The following PAX7 variants were observed in gnomAD, a reference collection of about 807,000 sequenced individuals.
PAX7 encodes paired box 7, also known as paired box protein Pax-7.
A neutral mutation model predicts 50.7 loss-of-function variants in PAX7; 18 were observed. The observed-to-expected ratio is 0.36, with a 90% CI of 0.25 to 0.53. The LOEUF is 0.53. PAX7 is among the 20% of genes least tolerant of loss of function. The pLI, the probability that PAX7 is intolerant of heterozygous loss-of-function variation, is 0.93. For synonymous variants in PAX7, 310 were observed against 290.4 expected (o/e 1.07, Z -0.69); for missense variants, 644 against 702.9 (o/e 0.92, Z 0.95).
intron 2 of PAX7, 71 bp from the exon 3 acceptor site, chr1:18,635,040 G>T: frequency 1.3e-6 from 2 of 1,569,566 alleles, no homozygotes; most frequent in Non-Finnish European, 1.7e-6. Context: ...CTCTTAAGAG[G>T]TGATATTAAA....
intron 1 of PAX7, among the ~76,000 whole-genome samples, chr1:18,633,749 A>G (rs1280054116): frequency 6.6e-6 from 1 of 152,150 alleles, no homozygotes; most frequent in Non-Finnish European, 1.5e-5. Flanking sequence ...CAGAGCTGTA[A>G]ATGTAGTAAT....
chr1:18,708,527 C>T (rs185054926), intron 7 of PAX7, among the ~76,000 whole-genome samples: 6 of 152,054 alleles, frequency 3.9e-5, no homozygotes, highest in African/African-American at 4.8e-5. Context: ...TGTGCGCCAG[C>T]CTAGGCGACA....
chr1:18,693,506 C>G (rs1446284518), intron 5 of PAX7, among the ~76,000 whole-genome samples: 2 of 152,172 alleles, frequency 1.3e-5, no homozygotes, highest in Non-Finnish European at 2.9e-5. Context: ...GAGTCACAAG[C>G]TGAAATTTGA....
intron 7 of PAX7, among the ~76,000 whole-genome samples, chr1:18,731,570 C>A (rs2089647655): frequency 6.6e-6 from 1 of 151,986 alleles, no homozygotes; most frequent in African/African-American, 2.4e-5. Context: ...ATGACTCAGG[C>A]CTTGTGGTCT....
At chr1:18,676,610 G>A (rs1268076945) in intron 4 of PAX7, among the ~76,000 whole-genome samples, 1 of 152,114 alleles carries the variant, frequency 6.6e-6, no homozygotes, top group Admixed American at 6.5e-5. Flanking sequence ...GGGAGGCAGG[G>A]CAGGCCCCAG....
intron 6 of PAX7, among the ~76,000 whole-genome samples, chr1:18,702,175 T>C (rs1462033626): frequency 2.1e-5 from 2 of 94,298 alleles, no homozygotes; most frequent in Non-Finnish European, 3.8e-5. Flanking sequence ...CTACTAAAAA[T>C]ACAAAAAAAA....
At chr1:18,695,393 T>C (rs927632052) in intron 5 of PAX7, among the ~76,000 whole-genome samples, 1 of 152,140 alleles carries the variant, frequency 6.6e-6, no homozygotes, top group Non-Finnish European at 1.5e-5. Flanking sequence ...GTTCTAGGCA[T>C]TGGGGATTCA....
At chr1:18,644,818 A>G (rs917330864) in intron 4 of PAX7, among the ~76,000 whole-genome samples, 1 of 152,190 alleles carries the variant, frequency 6.6e-6, no homozygotes, top group Non-Finnish European at 1.5e-5. Flanking sequence ...AAGCACGTGT[A>G]CTATGCTCCC....
At chr1:18,723,874 G>A (rs905899520) in intron 7 of PAX7, among the ~76,000 whole-genome samples, 2 of 152,184 alleles carry the variant, frequency 1.3e-5, no homozygotes, top group Non-Finnish European at 2.9e-5. Flanking sequence ...AGAGCATTCC[G>A]GTCCCCAGCT....
At chr1:18,647,523 G>A (rs1298999916) in intron 4 of PAX7, among the ~76,000 whole-genome samples, 1 of 152,122 alleles carries the variant, frequency 6.6e-6, no homozygotes, top group East Asian at 1.9e-4. Context: ...GCAGGAGATT[G>A]AAGGAGAAAG....
chr1:18,641,888 G>A (rs1428338177), intron 4 of PAX7, among the ~76,000 whole-genome samples: 1 of 152,030 alleles, frequency 6.6e-6, no homozygotes, highest in Non-Finnish European at 1.5e-5. Flanking sequence ...ATGTTGGGAA[G>A]AGATAACGCA....
Position 18,632,789 on chromosome 1 carries a change from G to C in PAX7, c.85+1101G>C, listed in dbSNP as rs977383147. Among the ~76,000 whole-genome samples the C allele has an allele frequency of 1.3e-5, 2 of 152,184 alleles. No individual in the cohort carries two copies. The highest frequency in any genetic ancestry group is 2.9e-5 in the Non-Finnish European group (2 of 68,036). ...GGCAGCGAGACGGCGCCGGGTCCCTGAATTAGACAGAGGCGAAGAGAGCGG... is the reference window on the plus strand; with the variant it reads ...GGCAGCGAGACGGCGCCGGGTCCCTCAATTAGACAGAGGCGAAGAGAGCGG... On this transcript the variant is annotated intron_variant, in intron 1 of 8. Transcript: ENST00000420770. The surrounding 1 kb of genome is among the most constrained non-coding windows in gnomAD (Gnocchi z 6.3).
intron 4 of PAX7, among the ~76,000 whole-genome samples, chr1:18,664,881 G>C (rs1284421697): frequency 6.6e-6 from 1 of 152,150 alleles, no homozygotes; most frequent in Non-Finnish European, 1.5e-5. Flanking sequence ...CCCTTTCCAG[G>C]GAGCGTGCTT....
At position 18,635,495 on chromosome 1, in the gene PAX7, A is replaced by AAGGAAGGAAGGT. The variant is rs1194531703; in HGVS notation, c.451+266_451+267insTAGGAAGGAAGG. Among the ~76,000 whole-genome samples the AAGGAAGGAAGGT allele has an allele frequency of 4.9e-4, 56 of 115,016 alleles. No homozygotes were observed. In the South Asian group the frequency reaches 0.012, roughly 26 times the overall value. The allele number at this position is 115,016 out of a possible 152,430, so 75.5% of individuals were successfully genotyped here. On this transcript the variant is annotated intron_variant, in intron 3 of 8. Transcript: ENST00000420770. Reference sequence around the variant, plus strand: ...AGAGAGAAATAAGAAAGGGAGGAAGAAGGAAGGAAGGAAGGTAGGAAGGAA... The same window carrying AAGGAAGGAAGGT: ...AGAGAGAAATAAGAAAGGGAGGAAGAAGGAAGGAAGGTAGGAAGGAAGGAAGGTAGGAAGGAA...
intron 8 of PAX7, among the ~76,000 whole-genome samples, chr1:18,736,708 A>G (rs976769984): frequency 1.3e-5 from 2 of 152,244 alleles, no homozygotes; most frequent in African/African-American, 2.4e-5. Flanking sequence ...TTTAAATTTC[A>G]TATAGTTTGC....
At chr1:18,675,038 G>A (rs1489131371) in intron 4 of PAX7, among the ~76,000 whole-genome samples, 1 of 152,148 alleles carries the variant, frequency 6.6e-6, no homozygotes, top group Admixed American at 6.6e-5. Flanking sequence ...CATTGGCTTC[G>A]GTGTCTGCCC....
chr1:18,635,276 A>G (rs2088131720), intron 3 of PAX7, 36 bp downstream of exon 3: 2 of 1,610,540 alleles, frequency 1.2e-6, no homozygotes, highest in Non-Finnish European at 1.7e-6. Context: ...GCTGGCCCAG[A>G]GTGTGGCCAG....
intron 5 of PAX7, among the ~76,000 whole-genome samples, chr1:18,693,576 A>G (rs545056883): frequency 1.3e-5 from 2 of 152,014 alleles, no homozygotes; most frequent in Admixed American, 1.3e-4. Flanking sequence ...CCCAGCGGAC[A>G]CCCCTCCGCC....
rs574549633 is a variant in PAX7, at chr1:18,696,989, G to A, written c.787-3664G>A. Reference sequence around the variant, plus strand: ...CCGATGTGATTATTATACATTATATGTCTATATCAAAGATCCCCTCTATCC... The same window carrying A: ...CCGATGTGATTATTATACATTATATATCTATATCAAAGATCCCCTCTATCC... On this transcript the variant is annotated intron_variant, in intron 5 of 8. Transcript: ENST00000420770. Among the ~76,000 whole-genome samples, 5 of 152,178 alleles carry A rather than the reference G, an allele frequency of 3.3e-5. No homozygotes were observed. In the South Asian group the frequency reaches 1.0e-3, roughly 32 times the overall value.
Sources: gnomAD v4.1 joint callset for allele counts (sites outside exome capture counted in the v4.1 genomes callset) on GRCh38, gnomAD v4.1.1 for gene constraint, Gnocchi (gnomAD v3.1) non-coding constraint, MANE v1.5 for transcripts, NCBI Gene and HGNC (gene_info 2026-07-23, HGNC 2026-07-21) for gene names.